Variants in WRAP73 observed in about 807,000 individuals in gnomAD.
WRAP73 encodes the protein WD repeat-containing protein WRAP73.
Under a neutral mutation model 59.6 loss-of-function variants are expected in WRAP73, and 55 were observed. That is an observed-to-expected ratio of 0.92 (90% CI 0.74 to 1.15). The LOEUF (loss-of-function observed/expected upper bound fraction) is 1.15. Among genes scored for constraint, WRAP73 ranks in the 50% most tolerant of loss-of-function variants. The probability of loss-of-function intolerance (pLI) is 0.00; values close to 1 mark genes in which losing one functional copy is unlikely to be tolerated. For synonymous variants in WRAP73, 265 were observed against 258.2 expected, an observed-to-expected ratio of 1.03 and a Z score of -0.25; for missense variants, 592 against 608.1, an observed-to-expected ratio of 0.97 and a Z score of 0.28.
chr1:3,646,531 G>A lies in WRAP73; in HGVS notation c.339+135C>T. 1.5e-6 allele frequency: 1 copy of A among 665,774 alleles called. No homozygotes were observed. The allele number at this position is 665,774 out of a possible 1,614,324, so 41.2% of individuals were successfully genotyped here. A position where few individuals can be genotyped will look rare whatever the true frequency, so the allele number is the denominator to read the frequency against. On this transcript the variant is annotated intron_variant, in intron 3 of 11. Coordinates refer to ENST00000270708, the MANE Select transcript of WRAP73 (RefSeq NM_017818.4). This position sits in a 1 kb window ranked among gnomAD's most constrained non-coding sequence, Gnocchi z 5.1. ...TTGGTACAATCTGAATCCCCTGGTG[G>A]TCTTAGAATGCATCCCCTGAGGATA...
intron 3 of WRAP73, among the ~76,000 whole-genome samples, chr1:3,641,348 A>G (rs908141268): frequency 1.2e-4 from 18 of 152,136 alleles, no homozygotes; most frequent in Non-Finnish European, 2.2e-4. Flanking sequence ...TACACTCAAG[A>G]CGGGAGGAAC....
In WRAP73 at chr1:3,647,835, T is replaced by C. The variant is rs536785074; in HGVS notation, c.70-275A>G. ...GCTACTTAAAGCTTTAAGACATTTT[T>C]AAGTCCCTTCTTATCTGTATGTTAA... On this transcript the variant is annotated intron_variant, in intron 1 of 11. Transcript: ENST00000270708. Among the ~76,000 whole-genome samples, 81 of 152,386 alleles carry C rather than the reference T, an allele frequency of 5.3e-4. 1 individual carries two copies. In the South Asian group the frequency reaches 0.016, roughly 30 times the overall value.
Position 3,638,744 on chromosome 1 carries a change from A to G in WRAP73, c.412+6T>C, listed in dbSNP as rs746539506. 3.1e-6 allele frequency: 5 copies of G among 1,613,838 alleles called. No individual in the cohort carries two copies. In the Admixed American group the frequency reaches 6.7e-5, roughly 22 times the overall value. On this transcript the variant is annotated splice_donor_region_variant and intron_variant, in intron 4 of 11. Transcript: ENST00000270708. ...AATGGCTTTTGCGTGGCTCCGATCG[A>G]CTCACCCTGCAGACAAGCTTTCGGG...
chr1:3,646,209 A>G lies in WRAP73; in HGVS notation c.339+457T>C, dbSNP rs947799549. ...CGACACCCTTATCTGACTCAGTAGC[A>G]GCCCAAAGCACGGGCGGTGGGGCTC... On this transcript the variant is annotated intron_variant, in intron 3 of 11. Coordinates refer to ENST00000270708, the MANE Select transcript of WRAP73 (RefSeq NM_017818.4). The surrounding 1 kb of genome is among the most constrained non-coding windows in gnomAD (Gnocchi z 5.1). Among the ~76,000 whole-genome samples, 1 of 152,202 alleles carries G rather than the reference A, an allele frequency of 6.6e-6. No individual in the cohort carries two copies. The highest frequency in any genetic ancestry group is 6.6e-5 in the Admixed American group (1 of 15,266).
chr1:3,631,093 C>T lies in WRAP73; in HGVS notation c.1265G>A (p.Cys422Tyr), dbSNP rs2101949924. The change falls in exon 12 of 12, where the codon TGC becomes TAC. Residue 422 changes from cysteine to tyrosine, a missense_variant. Physicochemically the swap from Cys to Tyr is radical, Grantham distance 194. Transcript: ENST00000270708. ...GEGDFAVLSLCWHLSGDSMAL... is the reference protein window; with the variant it reads ...GEGDFAVLSLYWHLSGDSMAL... ...CATCGAGTCTCCGCTTAAATGCCAG[C>T]ACAGAGAGAGCACTGCAAAGTCGCC... 6.2e-7 allele frequency: 1 copy of T among 1,613,366 alleles called. No homozygotes were observed.
At chr1:3,631,384 T>TG (rs780309983) in intron 11 of WRAP73, 82 bp downstream of exon 11, 1 of 1,491,854 alleles carries the variant, frequency 6.7e-7, no homozygotes, top group African/African-American at 1.4e-5. Context: ...AGACAGCAGC[T>TG]GGGCTTCAAC....
chr1:3,635,539 G>A (rs772186662), intron 6 of WRAP73: 17 of 574,978 alleles, frequency 3.0e-5, no homozygotes, highest in Non-Finnish European at 4.3e-5. Flanking sequence ...AGTTCAACTC[G>A]GCCGGGCACT....
intron 6 of WRAP73, chr1:3,635,666 C>T (rs947799457): frequency 2.1e-6 from 1 of 483,052 alleles, no homozygotes. Context: ...ACAAAGAATA[C>T]AAAAATTAGC....
Position 3,646,177 on chromosome 1 carries a change from G to C in WRAP73, c.339+489C>G, listed in dbSNP as rs2101971424. ...AGACCCAGGGCAGCAGACAGTGCCT[G>C]TGTTCACGACACCCTTATCTGACTC... On this transcript the variant is annotated intron_variant, in intron 3 of 11. Coordinates refer to ENST00000270708, the MANE Select transcript of WRAP73 (RefSeq NM_017818.4). The surrounding 1 kb of genome is among the most constrained non-coding windows in gnomAD (Gnocchi z 5.1). 6.6e-6 allele frequency among the ~76,000 whole-genome samples: 1 copy of C among 152,330 alleles called. No individual in the cohort carries two copies. Among genetic ancestry groups the C allele is most frequent in the South Asian group, 2.1e-4 (1 of 4,820 alleles).
chr1:3,636,988 G>A lies in WRAP73; in HGVS notation c.516+7C>T, dbSNP rs770117718. 28 of 1,612,956 alleles carry A rather than the reference G, an allele frequency of 1.7e-5. No individual in the cohort carries two copies. The highest frequency in any genetic ancestry group is 1.0e-4 in the Admixed American group (6 of 59,974). On this transcript the variant is annotated splice_region_variant and intron_variant, in intron 5 of 11. Coordinates refer to ENST00000270708, the MANE Select transcript of WRAP73 (RefSeq NM_017818.4). ...ACAACTTTATTCCAGTCTGGGGGAC[G>A]CCTTACCCGCAGGAGCTGCCAATCA...
intron 9 of WRAP73, chr1:3,632,705 C>G: frequency 2.9e-6 from 1 of 342,546 alleles, no homozygotes; most frequent in South Asian, 2.3e-5. Context: ...ATCCCTTCCA[C>G]CTCAGCGTCA....
chr1:3,638,211 A>C (rs1194454334), intron 4 of WRAP73, among the ~76,000 whole-genome samples: 1 of 152,244 alleles, frequency 6.6e-6, no homozygotes, highest in Non-Finnish European at 1.5e-5. Flanking sequence ...TGCGCGGTCC[A>C]GTTAGACGCG....
rs1644691544 is a variant in WRAP73 at position 3,646,417 on chromosome 1, GATTGTT to G, written c.339+243_339+248del. ...TATTGTTATCCTTGTTCTATACTAT[GATTGTT>G]GCTAATCTCTTACTGTATCTAATTT... is the stretch of plus-strand genomic sequence containing the variant. On this transcript the variant is annotated intron_variant, in intron 3 of 11. Transcript: ENST00000270708. The surrounding 1 kb of genome is among the most constrained non-coding windows in gnomAD (Gnocchi z 5.1). Among the ~76,000 whole-genome samples, 1 of 152,206 alleles carries G rather than the reference GATTGTT, an allele frequency of 6.6e-6. No individual in the cohort carries two copies.
chr1:3,643,134 G>C (rs796925697), intron 3 of WRAP73, among the ~76,000 whole-genome samples: 13 of 152,352 alleles, frequency 8.5e-5, no homozygotes, highest in African/African-American at 2.9e-4. Flanking sequence ...CGTTCCTCAC[G>C]AGGAAGGGAA....
At chr1:3,645,456 G>T (rs1369448257) in intron 3 of WRAP73, among the ~76,000 whole-genome samples, 1 of 106,072 alleles carries the variant, frequency 9.4e-6, no homozygotes, top group South Asian at 3.4e-4. Flanking sequence ...CGTGGTGTGC[G>T]CCGTGCAGCG....
intron 9 of WRAP73, 185 bp from the exon 10 acceptor site, chr1:3,632,523 G>T: frequency 1.1e-6 from 1 of 890,568 alleles, no homozygotes; most frequent in Non-Finnish European, 1.7e-6. Flanking sequence ...GGGCCTGCCC[G>T]CAAGTGCCCC....
intron 1 of WRAP73, among the ~76,000 whole-genome samples, chr1:3,647,768 T>C (rs1422386997): frequency 6.6e-6 from 1 of 152,230 alleles, no homozygotes; most frequent in Non-Finnish European, 1.5e-5. Flanking sequence ...GGTTTTAATA[T>C]TGCTATACTC....
Position 3,636,014 on chromosome 1 carries a change from G to C in WRAP73, c.533C>G (p.Thr178Ser). Residue 178 changes from threonine (T) to serine (S), a missense_variant, in exon 6 of 12, where the codon ACC becomes AGC. Physicochemically the swap from Thr to Ser is moderately conservative, Grantham distance 58. Transcript: ENST00000270708. The stretch of plus-strand genomic sequence containing the variant: ...CCACTCAATCCCTGTGAGATCCTGG[G>C]TGTCCGTATCAAAATGCTTCCAAAG... The part of the protein sequence containing the change: ...WQLLRHFDTD[T>S]QDLTGIEWAP... 6.2e-7 allele frequency: 1 copy of C among 1,613,864 alleles called. No individual in the cohort carries two copies. The highest frequency in any genetic ancestry group is 8.5e-7 in the Non-Finnish European group (1 of 1,179,962).
At position 3,649,982 on chromosome 1, in the gene WRAP73, T is replaced by C. The variant is rs746250306; in HGVS notation, c.18A>G (p.Val6=). The C allele has an allele frequency of 1.9e-6, 3 of 1,601,472 alleles. No individual in the cohort carries two copies. Among genetic ancestry groups the C allele is most frequent in the African/African-American group, 1.4e-5 (1 of 73,882 alleles). MNFSE[V]FKLSSLLCKF... ...TGCAGAGTAAGCTGGAGAGCTTGAA[T>C]ACCTCGGAGAAGTTCATGGCCGCCG... is the stretch of plus-strand genomic sequence containing the variant. Residue 6 remains valine, a synonymous_variant, in exon 1 of 12, where the codon GTA becomes GTG. Transcript: ENST00000270708.
Sources: gnomAD v4.1 joint callset for allele counts (sites outside exome capture counted in the v4.1 genomes callset) on GRCh38, gnomAD v4.1.1 for gene constraint, Gnocchi (gnomAD v3.1) non-coding constraint, MANE v1.5 for transcripts, NCBI Gene and HGNC (gene_info 2026-07-23, HGNC 2026-07-21) for gene names.